RGMB: variants seen among roughly 807,000 people sequenced by gnomAD.
The protein encoded by RGMB is repulsive guidance molecule B.
RGMB carries 16 observed loss-of-function variants against 26.9 expected under a neutral mutation model. The observed-to-expected ratio is 0.60, with a 90% CI of 0.40 to 0.90. RGMB has a LOEUF of 0.90. RGMB is among the 40% of genes least tolerant of loss of function. RGMB has a pLI of 0.00. For synonymous variants in RGMB, 225 were observed against 229.3 expected (o/e 0.98, Z 0.17); for missense variants, 512 against 573.3 (o/e 0.89, Z 1.09).
chr5:98,770,690 G>C (rs764678565), upstream of RGMB: 7 of 1,436,570 alleles, frequency 4.9e-6, no homozygotes, highest in South Asian at 6.1e-5. Context: ...ACAGGCACTT[G>C]ATTTCTCAAG....
upstream of RGMB, chr5:98,770,445 C>T (rs1247608369): frequency 2.2e-5 from 9 of 414,512 alleles, no homozygotes; most frequent in Non-Finnish European, 3.5e-5. Context: ...TTGCACCTGC[C>T]GTTTTGAGCG....
chr5:98,785,680 CTTAA>C (rs1041952508), intron 2 of RGMB, among the ~76,000 whole-genome samples: 3 of 152,132 alleles, frequency 2.0e-5, no homozygotes, highest in African/African-American at 4.8e-5. Flanking sequence ...GTCGCCAGTT[CTTAA>C]TTAAATTCAT....
chr5:98,793,342 G>A lies in RGMB; in HGVS notation c.903G>A (p.Met301Ile). 3.7e-6 allele frequency: 6 copies of A among 1,613,854 alleles called. No homozygotes were observed. Among genetic ancestry groups the A allele is most frequent in the Non-Finnish European group, 5.1e-6 (6 of 1,179,844 alleles). ...TCCGTATGCCTGAAGACCTGGCCAT[G>A]TCCTACGAGGAGAGCCAGGACCTGC... is the stretch of plus-strand genomic sequence containing the variant. ...LAIRMPEDLA[M>I]SYEESQDLQL... Residue 301 changes from methionine to isoleucine, a missense_variant, in exon 3 of 3, where the codon ATG (methionine) becomes ATA (isoleucine). Transcript: ENST00000513185.
intron 1 of RGMB, among the ~76,000 whole-genome samples, chr5:98,777,498 G>T (rs1246184679): frequency 1.3e-5 from 2 of 152,158 alleles, no homozygotes; most frequent in Admixed American, 6.5e-5. Flanking sequence ...GAGGAGACGT[G>T]ACCTGTGATG....
intron 2 of RGMB, 134 bp from the exon 3 acceptor site, chr5:98,792,951 G>A (rs1746978425): frequency 1.7e-6 from 1 of 604,796 alleles, no homozygotes; most frequent in African/African-American, 1.8e-5. Context: ...TGAGGTGCAA[G>A]CAGTTGGGTC....
rs764197467 is a variant in RGMB, at chr5:98,779,682, A to C, written c.239A>C (p.Glu80Ala). The C allele has an allele frequency of 1.3e-6, 2 of 1,591,408 alleles. No homozygotes were observed. Among genetic ancestry groups the C allele is most frequent in the Admixed American group, 3.4e-5 (2 of 58,420 alleles). ...TCTGCCGTTGACGGCTTTGACTCTG[A>C]GTTTTGCAAGGCCTTGCGTGCCTAT... ...LNSAVDGFDS[E>A]FCKALRAYAG... is the part of the protein sequence containing the mutation. The change falls in exon 2 of 3, where the codon GAG becomes GCG. Residue 80 changes from glutamate (E) to alanine (A), a missense_variant. By Grantham distance (107) the Glu-to-Ala change is moderately radical. Transcript: ENST00000513185.
At chr5:98,774,540 T>G (rs909561972) in intron 1 of RGMB, among the ~76,000 whole-genome samples, 2 of 152,142 alleles carry the variant, frequency 1.3e-5, no homozygotes, top group Non-Finnish European at 2.9e-5. Context: ...GCTTTATTGC[T>G]CTCTGCGCTG....
chr5:98,779,078 TA>T (rs1398672790), intron 1 of RGMB, among the ~76,000 whole-genome samples: 2 of 152,164 alleles, frequency 1.3e-5, no homozygotes, highest in African/African-American at 4.8e-5. Context: ...GTGTTTTAAC[TA>T]ATTATACTAT....
At chr5:98,778,128 C>G (rs944419114) in intron 1 of RGMB, among the ~76,000 whole-genome samples, 3 of 152,160 alleles carry the variant, frequency 2.0e-5, no homozygotes, top group Non-Finnish European at 4.4e-5. Flanking sequence ...GTTGTCTTCT[C>G]CCACCTGTTT....
chr5:98,792,657 T>C (rs1746968017), intron 2 of RGMB, among the ~76,000 whole-genome samples: 1 of 144,996 alleles, frequency 6.9e-6, no homozygotes, highest in South Asian at 2.3e-4. Flanking sequence ...CTTAGTCCTG[T>C]GTACTCAGGA....
rs762057916 is a variant in RGMB, at chr5:98,773,679, C to A, written c.-392C>A. The A allele has an allele frequency of 2.8e-6, 1 of 358,102 alleles. No homozygotes were observed. Among genetic ancestry groups the A allele is most frequent in the East Asian group, 4.2e-5 (1 of 23,822 alleles). The allele number at this position is 358,102 out of a possible 1,614,324, so 22.2% of individuals were successfully genotyped here. A position where few individuals can be genotyped will look rare whatever the true frequency, so the allele number is the denominator to read the frequency against. On this transcript the variant is annotated 5_prime_UTR_variant, in exon 1 of 3. Coordinates refer to ENST00000513185, the MANE Select transcript of RGMB (RefSeq NM_001366508.1). ...GGCTGCCGCGCAGAGATATCCGGGC[C>A]GCCGGTGGGTGGTCGCTAGGGCTGG... is the stretch of plus-strand genomic sequence containing the variant.
upstream of RGMB, chr5:98,773,607 G>C (rs1372841475): frequency 2.7e-5 from 7 of 262,368 alleles, no homozygotes; most frequent in East Asian, 4.8e-4. Flanking sequence ...GGCGGGCACA[G>C]GGCGGGGCGG....
intron 2 of RGMB, among the ~76,000 whole-genome samples, chr5:98,785,413 G>C (rs893016287): frequency 6.6e-6 from 1 of 152,098 alleles, no homozygotes; most frequent in Non-Finnish European, 1.5e-5. Context: ...AGTTGGCAGG[G>C]GTGTCAAGAA....
upstream of RGMB, chr5:98,773,159 GGCGCTCTGTAAAAGCGCCT>G (rs1248389085): frequency 2.6e-5 from 4 of 152,032 alleles, no homozygotes; most frequent in Non-Finnish European, 5.9e-5. Context: ...CCTGCCGCGC[GGCGCTCTGTAAAAGCGCCT>G]GCTTCCTCCA....
At position 98,796,423 on chromosome 5, in the gene RGMB, A is replaced by G. The variant is rs1420202999; in HGVS notation, c.*2670A>G. On this transcript the variant is annotated 3_prime_UTR_variant, in exon 3 of 3. Transcript: ENST00000513185. The stretch of plus-strand genomic sequence containing the variant: ...ATATGAATACGTATCTGTGTAAAAC[A>G]GTGAGTGTGCAGTGTGTAAATACTT... 6.6e-6 allele frequency: 1 copy of G among 151,028 alleles called. No homozygotes were observed. The highest frequency in any genetic ancestry group is 1.5e-5 in the Non-Finnish European group (1 of 67,836). The allele number at this position is 151,028 out of a possible 1,614,324, so 9.4% of individuals were successfully genotyped here. A position where few individuals can be genotyped will look rare whatever the true frequency, so the allele number is the denominator to read the frequency against.
chr5:98,779,768 G>T lies in RGMB; in HGVS notation c.325G>T (p.Val109Leu), dbSNP rs776743795. ...CRGNLVYHSA[V>L]LGISDLMSQR... ...TGGCAACCTGGTATACCATTCTGCC[G>T]TGTTGGGTATCAGTGACCTCATGAG... The change falls in exon 2 of 3, where the codon GTG becomes TTG. Residue 109 changes from valine to leucine, a missense_variant. Transcript: ENST00000513185. 1.9e-6 allele frequency: 3 copies of T among 1,614,050 alleles called. No homozygotes were observed. Among genetic ancestry groups the T allele is most frequent in the Non-Finnish European group, 1.7e-6 (2 of 1,179,900 alleles).
chr5:98,786,984 A>G (rs1021761891), intron 2 of RGMB, among the ~76,000 whole-genome samples: 2 of 152,182 alleles, frequency 1.3e-5, no homozygotes, highest in Non-Finnish European at 2.9e-5. Flanking sequence ...GACACCATCT[A>G]AAACTCACTT....
Position 98,774,021 on chromosome 5 carries a change from C to A in RGMB, c.-50C>A. ...AGCCACGGGCCCAGACCCGCCACGGCGCCCGCGCCGCCGCCCTCGCCGGAG... is the reference window on the plus strand; with the variant it reads ...AGCCACGGGCCCAGACCCGCCACGGAGCCCGCGCCGCCGCCCTCGCCGGAG... On this transcript the variant is annotated 5_prime_UTR_variant, in exon 1 of 3. Coordinates refer to ENST00000513185, the MANE Select transcript of RGMB (RefSeq NM_001366508.1). The A allele has an allele frequency of 1.5e-6, 1 of 671,080 alleles. No homozygotes were observed. Among genetic ancestry groups the A allele is most frequent in the Non-Finnish European group, 2.6e-6 (1 of 388,578 alleles). 41.6% of individuals were successfully genotyped at this position (671,080 alleles called of 1,614,324 possible). A position where few individuals can be genotyped will look rare whatever the true frequency, so the allele number is the denominator to read the frequency against.
intron 2 of RGMB, among the ~76,000 whole-genome samples, chr5:98,783,993 G>T (rs1026319243): frequency 6.6e-6 from 1 of 152,012 alleles, no homozygotes; most frequent in African/African-American, 2.4e-5. Flanking sequence ...TAAAAAGTAG[G>T]AGTGGAGACT....
Sources: gnomAD v4.1 joint callset for allele counts (sites outside exome capture counted in the v4.1 genomes callset) on GRCh38, gnomAD v4.1.1 for gene constraint, MANE v1.5 for transcripts, NCBI Gene and HGNC (gene_info 2026-07-23, HGNC 2026-07-21) for gene names.